The following PFN4 variants were observed in gnomAD, a reference collection of about 807,000 sequenced individuals.
The protein encoded by PFN4 is profilin-4.
A neutral mutation model predicts 16.3 loss-of-function variants in PFN4; 10 were observed. The observed-to-expected ratio is 0.61, with a 90% CI of 0.38 to 1.04. The LOEUF (loss-of-function observed/expected upper bound fraction) is 1.04. PFN4 is among the 50% of genes least tolerant of loss of function. The pLI is 0.01. For missense variants in PFN4, 136 were observed against 153.6 expected (o/e 0.89, Z 0.61); for synonymous variants, 54 against 56.9 (o/e 0.95, Z 0.23).
intron 4 of PFN4, 105 bp from the exon 5 acceptor site, chr2:24,115,716 A>G (rs1476285972): frequency 9.5e-6 from 12 of 1,260,126 alleles, no homozygotes; most frequent in Admixed American, 7.0e-5. Flanking sequence ...GGTGACTGCC[A>G]TGTGCTAGGC....
In PFN4 at chr2:24,122,546, C is replaced by A. The variant is rs778088057; in HGVS notation, c.-11G>T. On this transcript the variant is annotated splice_region_variant and 5_prime_UTR_variant, in exon 2 of 5. Transcript: ENST00000313213. ...CTGCAAATGGCTCATGTTCCCTCAA[C>A]TCTGAAAGGGAAAGTGCAGTTGAAG... 2 of 1,580,740 alleles carry A rather than the reference C, an allele frequency of 1.3e-6. No individual in the cohort carries two copies. Among genetic ancestry groups the A allele is most frequent in the Non-Finnish European group, 1.7e-6 (2 of 1,151,884 alleles).
Position 24,122,426 on chromosome 2 carries a change from C to T in PFN4, c.110G>A (p.Gly37Asp), listed in dbSNP as rs757254052. 52 of 1,609,688 alleles carry T rather than the reference C, an allele frequency of 3.2e-5. No individual in the cohort carries two copies. In the Admixed American group the frequency reaches 8.5e-4, roughly 26 times the overall value. Residue 37 changes from glycine (G) to aspartate (D), a missense_variant, in exon 2 of 5, where the codon GGT becomes GAT. Gly to Asp is a moderately conservative substitution (Grantham distance 94). Transcript: ENST00000313213. The part of the protein sequence containing the change: ...QERSLCVASP[G>D]FNVTPSDVRT... ...AAACTTGTTTTTTCTTACATTGAAA[C>T]CTGGTGATGCTACACACAAGCTCCG...
chr2:24,121,215 C>G lies in PFN4; in HGVS notation c.203G>C (p.Gly68Ala). Residue 68 changes from glycine (G) to alanine (A), a missense_variant, in exon 3 of 5, where the codon GGA becomes GCA. By Grantham distance (60) the Gly-to-Ala change is moderately conservative (BLOSUM62 0). Transcript: ENST00000313213. ...QARREGLYFK[G>A]KDYRCVRADE... is the part of the protein sequence containing the mutation. ...TGCCCGGACACATCTGTAATCTTTTCCCTTGAAATACAGTCCTTCTCTTCG... is the reference window on the plus strand; with the variant it reads ...TGCCCGGACACATCTGTAATCTTTTGCCTTGAAATACAGTCCTTCTCTTCG... The G allele has an allele frequency of 3.7e-6, 6 of 1,614,180 alleles. No individual in the cohort carries two copies. Among genetic ancestry groups the G allele is most frequent in the Middle Eastern group, 1.6e-4 (1 of 6,062 alleles).
At chr2:24,118,674 A>T (rs1464318202) in intron 4 of PFN4, among the ~76,000 whole-genome samples, 1 of 152,212 alleles carries the variant, frequency 6.6e-6, no homozygotes, top group African/African-American at 2.4e-5. Flanking sequence ...TGCAGAATAG[A>T]TGTGAGGGAC....
At chr2:24,120,268 CAAAAA>C in intron 3 of PFN4, among the ~76,000 whole-genome samples, 1 of 118,284 alleles carries the variant, frequency 8.5e-6, no homozygotes, top group African/African-American at 3.0e-5. Flanking sequence ...AAACTCGTCT[CAAAAA>C]AAAAAACAAC....
chr2:24,118,668 G>A (rs1362212332), intron 4 of PFN4, among the ~76,000 whole-genome samples: 2 of 152,216 alleles, frequency 1.3e-5, no homozygotes, highest in Admixed American at 6.5e-5. Flanking sequence ...GGAATTTGCA[G>A]AATAGATGTG....
rs562670590 is a variant in PFN4, at chr2:24,115,320, G to A, written c.*263C>T. 12 of 442,898 alleles carry A rather than the reference G, an allele frequency of 2.7e-5. No homozygotes were observed. The East Asian group carries it at 3.2e-4, about 12-fold the overall frequency. The allele number at this position is 442,898 out of a possible 1,614,324, so 27.4% of individuals were successfully genotyped here. A position where few individuals can be genotyped will look rare whatever the true frequency, so the allele number is the denominator to read the frequency against. On this transcript the variant is annotated 3_prime_UTR_variant, in exon 5 of 5. Transcript: ENST00000313213. Reference sequence around the variant, plus strand: ...AGGAGTACAAGAGCCTCACAGAAAGGAGCCTCCCAATAGATATGCTCTGTG... The same window carrying A: ...AGGAGTACAAGAGCCTCACAGAAAGAAGCCTCCCAATAGATATGCTCTGTG...
chr2:24,122,721 A>C, intron 1 of PFN4, 174 bp from the exon 2 acceptor site: 1 of 490,958 alleles, frequency 2.0e-6, no homozygotes, highest in Non-Finnish European at 3.6e-6. Flanking sequence ...CCCAAAGAGG[A>C]AAACAGAATC....
Position 24,123,178 on chromosome 2 carries a change from C to T in PFN4, c.-73G>A, listed in dbSNP as rs1455735032. 6.6e-6 allele frequency: 1 copy of T among 152,558 alleles called. No homozygotes were observed. Among genetic ancestry groups the T allele is most frequent in the Non-Finnish European group, 1.5e-5 (1 of 68,348 alleles). The allele number at this position is 152,558 out of a possible 1,614,324, so 9.5% of individuals were successfully genotyped here. A position where few individuals can be genotyped will look rare whatever the true frequency, so the allele number is the denominator to read the frequency against. On this transcript the variant is annotated 5_prime_UTR_variant, in exon 1 of 5. Transcript: ENST00000313213. ...CCAGTGGTTTGGTCCCCGAGCAGGA[C>T]CCAAGGCGGGGCAGGGGGTGGTGAG... is the stretch of plus-strand genomic sequence containing the variant.
intron 3 of PFN4, 30 bp from the exon 4 acceptor site, chr2:24,119,712 C>CT (rs1558378172): frequency 6.5e-7 from 1 of 1,534,930 alleles, no homozygotes; most frequent in Admixed American, 1.7e-5. Flanking sequence ...GAATATTCTG[C>CT]TCTTGGTTCT....
At chr2:24,123,015 A>G (rs572946137) in intron 1 of PFN4, 103 bp downstream of exon 1, 1 of 152,884 alleles carries the variant, frequency 6.5e-6, no homozygotes, top group African/African-American at 2.4e-5. Context: ...AGCGCCAGCT[A>G]TGAACGCTGA....
chr2:24,119,929 TG>T (rs1255598236), intron 3 of PFN4, among the ~76,000 whole-genome samples: 4 of 152,180 alleles, frequency 2.6e-5, no homozygotes, highest in African/African-American at 9.6e-5. Context: ...AGATGGATTT[TG>T]AAAAAGTTCT....
chr2:24,118,993 A>G (rs1666012956), intron 4 of PFN4, among the ~76,000 whole-genome samples: 1 of 152,240 alleles, frequency 6.6e-6, no homozygotes, highest in African/African-American at 2.4e-5. Flanking sequence ...TCTCACCGAT[A>G]TAATACCCAA....
At chr2:24,117,085 G>A (rs1380927727) in intron 4 of PFN4, among the ~76,000 whole-genome samples, 1 of 145,010 alleles carries the variant, frequency 6.9e-6, no homozygotes, top group Admixed American at 7.1e-5. Context: ...GCACGATCTC[G>A]GCTCACCGCA....
intron 3 of PFN4, 73 bp from the exon 4 acceptor site, chr2:24,119,755 G>T: frequency 9.3e-7 from 1 of 1,076,136 alleles, no homozygotes; most frequent in African/African-American, 1.6e-5. Context: ...CTCCAGCTAC[G>T]TTTTTCACCA....
chr2:24,118,839 A>G (rs886633698), intron 4 of PFN4, among the ~76,000 whole-genome samples: 2 of 152,226 alleles, frequency 1.3e-5, no homozygotes, highest in African/African-American at 4.8e-5. Context: ...GAATGAATGA[A>G]TGAATGAATG....
chr2:24,119,627 T>C lies in PFN4; in HGVS notation c.311A>G (p.Tyr104Cys), dbSNP rs918563205. 1.2e-6 allele frequency: 2 copies of C among 1,613,850 alleles called. No homozygotes were observed. Among genetic ancestry groups the C allele is most frequent in the Admixed American group, 1.7e-5 (1 of 59,998 alleles). Reference protein sequence around the residue: ...KTHLYLLVATYTEGMYPSICV... With the variant: ...KTHLYLLVATCTEGMYPSICV... ...GATGCTAGGATACATGCCCTCAGTG[T>C]AAGTTGCTACCAGAAGATACAGATG... Residue 104 changes from tyrosine (Y) to cysteine (C), a missense_variant, in exon 4 of 5, where the codon TAC becomes TGC. Transcript: ENST00000313213.
chr2:24,119,828 T>C, intron 3 of PFN4, 146 bp from the exon 4 acceptor site: 1 of 601,310 alleles, frequency 1.7e-6, no homozygotes, highest in Non-Finnish European at 2.8e-6. Context: ...ATATTTTCCA[T>C]ATGTTTATAT....
At chr2:24,117,751 T>C (rs1665969270) in intron 4 of PFN4, among the ~76,000 whole-genome samples, 2 of 152,204 alleles carry the variant, frequency 1.3e-5, no homozygotes, top group Admixed American at 6.5e-5. Context: ...CCTGTAATTC[T>C]TTACTTCCCA....
Sources: gnomAD v4.1 joint callset for allele counts (sites outside exome capture counted in the v4.1 genomes callset) on GRCh38, gnomAD v4.1.1 for gene constraint, MANE v1.5 for transcripts, NCBI Gene and HGNC (gene_info 2026-07-23, HGNC 2026-07-21) for gene names.